LRRC37A: variants seen among roughly 807,000 people sequenced by gnomAD.
The protein encoded by LRRC37A is leucine rich repeat containing 37A.
LRRC37A carries 3 observed loss-of-function variants against 35.4 expected under a neutral mutation model. The ratio of observed to expected loss-of-function variants is 0.08; its 90% CI spans 0.04 to 0.22. The LOEUF is 0.22. LRRC37A is among the 10% of genes least tolerant of loss of function. The probability of loss-of-function intolerance (pLI) is 1.00; values close to 1 mark genes in which losing one functional copy is unlikely to be tolerated. For synonymous variants in LRRC37A, 23 were observed against 215.0 expected, an observed-to-expected ratio of 0.11 and a Z score of 7.81; for missense variants, 67 against 565.3, an observed-to-expected ratio of 0.12 and a Z score of 8.94.
chr17:46,261,226 T>TAA, the LRRC37A span, among the ~76,000 whole-genome samples: 9,182 of 131,576 alleles, frequency 0.07, no homozygotes, highest in Middle Eastern at 0.11. Flanking sequence ...AATTTTTTTT[T>TAA]AGAAAAAGAG....
the LRRC37A span, among the ~76,000 whole-genome samples, chr17:46,264,663 C>T: frequency 6.6e-6 from 1 of 152,230 alleles, no homozygotes; most frequent in African/African-American, 2.4e-5. Context: ...GTACCTTCCA[C>T]CATTAGTGTG....
At chr17:46,282,422 T>C in the LRRC37A span, among the ~76,000 whole-genome samples, 1 of 151,416 alleles carries the variant, frequency 6.6e-6, no homozygotes, top group South Asian at 2.1e-4. Flanking sequence ...TGTTTGTTTT[T>C]TTTTTTTAAA....
At chr17:46,278,169 C>T in the LRRC37A span, among the ~76,000 whole-genome samples, 1 of 152,084 alleles carries the variant, frequency 6.6e-6, no homozygotes, top group African/African-American at 2.4e-5. Flanking sequence ...TGGTCTCGAA[C>T]TCCTGACCTC....
the LRRC37A span, among the ~76,000 whole-genome samples, chr17:46,252,231 G>A: frequency 6.6e-6 from 1 of 152,020 alleles, no homozygotes; most frequent in Admixed American, 6.6e-5. Context: ...TTTTCAGACA[G>A]GATCTCGCTG....
At position 46,303,133 on chromosome 17, in the gene LRRC37A, GA is replaced by G. The variant is rs1312379418; in HGVS notation, c.2753+425del. 3.5e-4 allele frequency among the ~76,000 whole-genome samples: 5 copies of G among 14,474 alleles called. No homozygotes were observed. In the East Asian group the frequency reaches 4.1e-3, roughly 12 times the overall value. The allele number at this position is 14,474 out of a possible 152,430, so 9.5% of individuals were successfully genotyped here. On this transcript the variant is annotated intron_variant, in intron 3 of 13. Transcript: ENST00000320254. ...AGAAAAGAAACAAAGAAATATGCGA[GA>G]GATCATATGTGGCCCATAAAACCTA...
chr17:46,261,503 C>T, the LRRC37A span, among the ~76,000 whole-genome samples: 12,396 of 137,752 alleles, frequency 0.09, no homozygotes, highest in Middle Eastern at 0.16. Flanking sequence ...CATCCACCTC[C>T]TGCGTTCAAG....
At position 46,307,921 on chromosome 17, in the gene LRRC37A, A is replaced by T. The variant is rs1402383002; in HGVS notation, c.2906+1612A>T. ...TAGGTACTCAGGAGGCTGAGGCAGG[A>T]GAATCACTTGAAACCAGGAGGCGGA... On this transcript the variant is annotated intron_variant, in intron 5 of 13. Transcript: ENST00000320254. Among the ~76,000 whole-genome samples, 4 of 76,340 alleles carry T rather than the reference A, an allele frequency of 5.2e-5. 2 individuals are homozygous for T. Among genetic ancestry groups the T allele is most frequent in the Non-Finnish European group, 1.6e-4 (4 of 25,570 alleles). 50.1% of individuals were successfully genotyped at this position (76,340 alleles called of 152,430 possible).
At chr17:46,283,781 A>G in the LRRC37A span, among the ~76,000 whole-genome samples, 18,456 of 152,146 alleles carry the variant, frequency 0.12, no homozygotes, top group Non-Finnish European at 0.18. Flanking sequence ...AGTTCCCTTC[A>G]TATTTATTGA....
chr17:46,252,143 T>G, the LRRC37A span, among the ~76,000 whole-genome samples: 1 of 152,228 alleles, frequency 6.6e-6, no homozygotes, highest in Admixed American at 6.5e-5. Context: ...AAAATTCTCT[T>G]TTTTATTTTC....
the LRRC37A span, among the ~76,000 whole-genome samples, chr17:46,263,807 T>C: frequency 2.7e-5 from 4 of 150,488 alleles, no homozygotes; most frequent in East Asian, 4.0e-4. Flanking sequence ...TGAGCCGAGA[T>C]TGTGCCACTG....
upstream of LRRC37A, among the ~76,000 whole-genome samples, chr17:46,292,167 A>G (rs2050091003): frequency 1.1e-5 from 1 of 87,394 alleles, no homozygotes; most frequent in Non-Finnish European, 3.2e-5. Context: ...CCCCGTCTCT[A>G]CTAAAAATAC....
the LRRC37A span, among the ~76,000 whole-genome samples, chr17:46,278,348 A>C: frequency 0.067 from 9,963 of 149,688 alleles, no homozygotes; most frequent in Non-Finnish European, 0.098. Context: ...TCCCACCTCC[A>C]TTTTTGAGTC....
chr17:46,267,660 A>G, the LRRC37A span: 5 of 1,313,304 alleles, frequency 3.8e-6, no homozygotes, highest in South Asian at 1.2e-5. Context: ...TAGGATTTAG[A>G]CGACAGGTAT....
the LRRC37A span, among the ~76,000 whole-genome samples, chr17:46,279,705 G>A: frequency 2.0e-5 from 3 of 151,726 alleles, no homozygotes; most frequent in East Asian, 1.9e-4. Flanking sequence ...CATGTTGCCC[G>A]GGCTGGTCTA....
upstream of LRRC37A, among the ~76,000 whole-genome samples, chr17:46,289,199 G>A (rs1173928359): frequency 3.3e-5 from 5 of 152,128 alleles, no homozygotes; most frequent in Non-Finnish European, 5.9e-5. Context: ...TTTCTTATTT[G>A]GAGATAAGAG....
chr17:46,268,558 CA>C, the LRRC37A span: 1 of 1,501,652 alleles, frequency 6.7e-7, no homozygotes, highest in Non-Finnish European at 8.9e-7. Flanking sequence ...CAGCTTCCTA[CA>C]GCTCTGCTCC....
At chr17:46,248,790 G>C in the LRRC37A span, among the ~76,000 whole-genome samples, 11 of 151,972 alleles carry the variant, frequency 7.2e-5, no homozygotes, top group Non-Finnish European at 1.2e-4. Flanking sequence ...AAAGTGCTAG[G>C]ATTACACGTG....
chr17:46,251,229 G>C, the LRRC37A span, among the ~76,000 whole-genome samples: 1 of 152,052 alleles, frequency 6.6e-6, no homozygotes. Context: ...GGCAATATCT[G>C]GGCAGAGGTC....
At chr17:46,291,290 AAT>A (rs1252004338), upstream of LRRC37A, among the ~76,000 whole-genome samples, 2 of 152,236 alleles carry the variant, frequency 1.3e-5, no homozygotes, top group African/African-American at 2.4e-5. Flanking sequence ...GTGAGAGTAA[AAT>A]ATAAAAAAGA....
Sources: gnomAD v4.1 joint callset for allele counts (sites outside exome capture counted in the v4.1 genomes callset) on GRCh38, gnomAD v4.1.1 for gene constraint, MANE v1.5 for transcripts, NCBI Gene and HGNC (gene_info 2026-07-23, HGNC 2026-07-21) for gene names.